The following DHRSX variants were observed in gnomAD, a reference collection of about 807,000 sequenced individuals.
DHRSX encodes the protein polyprenol dehydrogenase.
DHRSX carries 31 observed loss-of-function variants against 34.0 expected under a neutral mutation model. The ratio of observed to expected loss-of-function variants is 0.91; its 90% CI spans 0.69 to 1.23. The LOEUF (loss-of-function observed/expected upper bound fraction) is 1.23, where lower values mean the gene tolerates loss of function less well. Ranked by LOEUF, DHRSX falls within the 50% of genes most tolerant of loss-of-function variation. DHRSX has a pLI of 0.00. For synonymous variants in DHRSX, 201 were observed against 183.8 expected (o/e 1.09, Z -0.76); for missense variants, 414 against 428.1 (o/e 0.97, Z 0.29).
At chrX:2,447,846 CA>C (rs2044158606) in intron 1 of DHRSX, among the ~76,000 whole-genome samples, 2 of 110,344 alleles carry the variant, frequency 1.8e-5, no homozygotes, top group South Asian at 6.5e-4. Context: ...GCAGAGAGTG[CA>C]ATGGTGGTTG....
chrX:2,465,392 T>A (rs1165236918), intron 1 of DHRSX, among the ~76,000 whole-genome samples: 2 of 152,054 alleles, frequency 1.3e-5, no homozygotes, highest in African/African-American at 4.8e-5. Flanking sequence ...CCATCCCTCC[T>A]CAATCACGCC....
intron 2 of DHRSX, among the ~76,000 whole-genome samples, chrX:2,410,674 T>C (rs1278791809): frequency 4.6e-5 from 7 of 152,184 alleles, no homozygotes; most frequent in Non-Finnish European, 2.9e-5. Context: ...AATTAACTAT[T>C]AGAATGCACT....
At chrX:2,337,209 G>A (rs780923811) in intron 3 of DHRSX, among the ~76,000 whole-genome samples, 8 of 152,246 alleles carry the variant, frequency 5.3e-5, no homozygotes, top group South Asian at 2.1e-4. Flanking sequence ...ACTGATTTGC[G>A]AATAGGGTCT....
intron 5 of DHRSX, among the ~76,000 whole-genome samples, chrX:2,248,613 C>CAAAAAAAAAAAAAAAAAA (rs1357827255): frequency 1.1e-4 from 2 of 17,512 alleles, no homozygotes; most frequent in African/African-American, 2.8e-4. Flanking sequence ...GACTCTGTCT[C>CAAAAAAAAAAAAAAAAAA]AAAAAAAAAA....
In DHRSX at chrX:2,488,854, G is replaced by A. The variant is rs149611128; in HGVS notation, c.109+11963C>T. The A allele has an allele frequency of 4.8e-4, 776 of 1,613,634 alleles. 4 individuals carry two copies. Among genetic ancestry groups the A allele is most frequent in the South Asian group, 4.6e-3 (420 of 91,032 alleles). On this transcript the variant is annotated intron_variant, in intron 1 of 6. Transcript: ENST00000334651. ...CGCTGACCACGTTGGCGGCGGATCC[G>A]AAGAGACGCTCAGGGGCGACGCGCG...
At chrX:2,325,637 G>A (rs994070388) in intron 3 of DHRSX, among the ~76,000 whole-genome samples, 1 of 150,406 alleles carries the variant, frequency 6.6e-6, no homozygotes, top group Non-Finnish European at 1.5e-5. Flanking sequence ...GGAGAGCCCC[G>A]ACCAACTACA....
intron 2 of DHRSX, among the ~76,000 whole-genome samples, chrX:2,414,089 A>T (rs1274376825): frequency 1.3e-5 from 2 of 151,902 alleles, no homozygotes; most frequent in Admixed American, 1.3e-4. Context: ...ACTAGACCTC[A>T]TCATGACCTG....
intron 3 of DHRSX, among the ~76,000 whole-genome samples, chrX:2,344,911 A>G (rs1477150390): frequency 1.0e-5 from 1 of 100,138 alleles, no homozygotes; most frequent in African/African-American, 3.5e-5. Flanking sequence ...ATATATATAT[A>G]TATACTGTAT....
chrX:2,222,885 C>T (rs1182482672), intron 6 of DHRSX, among the ~76,000 whole-genome samples: 2 of 152,258 alleles, frequency 1.3e-5, no homozygotes, highest in East Asian at 3.9e-4. Flanking sequence ...GTGTGCCCAC[C>T]AGCCCATCCT....
intron 6 of DHRSX, among the ~76,000 whole-genome samples, chrX:2,237,446 C>T (rs1416214797): frequency 1.3e-5 from 2 of 151,760 alleles, no homozygotes; most frequent in East Asian, 3.9e-4. Flanking sequence ...GTGGTCAGGA[C>T]TTGCTGGACA....
chrX:2,395,378 G>A (rs2043396980), intron 3 of DHRSX, among the ~76,000 whole-genome samples: 1 of 152,136 alleles, frequency 6.6e-6, no homozygotes, highest in Non-Finnish European at 1.5e-5. Flanking sequence ...GTCCCTGCGC[G>A]CACCACAAAG....
intron 6 of DHRSX, among the ~76,000 whole-genome samples, chrX:2,227,519 AAGC>A (rs1316963241): frequency 7.3e-6 from 1 of 136,952 alleles, no homozygotes; most frequent in Admixed American, 7.3e-5. Flanking sequence ...GAGAGAAAGG[AAGC>A]AGAGAAGAAA....
At chrX:2,331,709 C>T (rs1047775789) in intron 3 of DHRSX, among the ~76,000 whole-genome samples, 14 of 152,038 alleles carry the variant, frequency 9.2e-5, no homozygotes, top group African/African-American at 3.4e-4. Context: ...CTTGGCCTCT[C>T]AAAGTGCTGG....
chrX:2,308,421 C>CAATTGTTCAAG (rs2042126235), intron 3 of DHRSX, among the ~76,000 whole-genome samples: 2 of 151,798 alleles, frequency 1.3e-5, no homozygotes, highest in Non-Finnish European at 2.9e-5. Context: ...AATTGTTCAA[C>CAATTGTTCAAG]AATTGTTAAA....
At chrX:2,265,961 C>T (rs1207704153) in intron 5 of DHRSX, among the ~76,000 whole-genome samples, 22 of 134,546 alleles carry the variant, frequency 1.6e-4, no homozygotes, top group Non-Finnish European at 3.5e-4. Context: ...CACCAGTGTA[C>T]AGCAGATGCA....
chrX:2,325,350 A>G (rs753453444), intron 3 of DHRSX, among the ~76,000 whole-genome samples: 4 of 152,240 alleles, frequency 2.6e-5, no homozygotes, highest in African/African-American at 4.8e-5. Flanking sequence ...ACTAGGGACT[A>G]GACACGTTCA....
At chrX:2,451,582 T>G (rs1033140303) in intron 1 of DHRSX, among the ~76,000 whole-genome samples, 4 of 152,098 alleles carry the variant, frequency 2.6e-5, no homozygotes, top group African/African-American at 9.6e-5. Context: ...AGGAATGAAT[T>G]CGGTCAGGAC....
Position 2,327,592 on chromosome X carries a change from A to T in DHRSX, c.287-35989T>A, listed in dbSNP as rs190391510. Among the ~76,000 whole-genome samples the T allele has an allele frequency of 3.0e-3, 402 of 135,800 alleles. 16 individuals carry two copies. The East Asian group carries it at 0.07, about 24-fold the overall frequency. 89.1% of individuals were successfully genotyped at this position (135,800 alleles called of 152,430 possible). A position where few individuals can be genotyped will look rare whatever the true frequency, so the allele number is the denominator to read the frequency against. ...AGCTACCCAAGGAAAAGCCATTGTCAGCACAAAGTCACTGGAGTCTTAGAA... is the reference window on the plus strand; with the variant it reads ...AGCTACCCAAGGAAAAGCCATTGTCTGCACAAAGTCACTGGAGTCTTAGAA... On this transcript the variant is annotated intron_variant, in intron 3 of 6. Transcript: ENST00000334651.
intron 3 of DHRSX, among the ~76,000 whole-genome samples, chrX:2,360,508 G>A (rs1054654549): frequency 1.2e-4 from 19 of 152,188 alleles, no homozygotes; most frequent in South Asian, 4.2e-4. Flanking sequence ...GCTTGAACCC[G>A]GGAGGCGGAG....
Sources: allele counts gnomAD v4.1 joint callset (sites outside exome capture counted in the v4.1 genomes callset), GRCh38; gene constraint gnomAD v4.1.1; transcripts MANE v1.5; gene names NCBI Gene and HGNC (gene_info 2026-07-23, HGNC 2026-07-21).